RNF6: variants seen among roughly 807,000 people sequenced by gnomAD.
RNF6 encodes ring finger protein 6.
In RNF6, 21 loss-of-function variants were observed where a neutral mutation model predicts 50.1. That is an observed-to-expected ratio of 0.42 (90% CI 0.30 to 0.60). The LOEUF (loss-of-function observed/expected upper bound fraction) is 0.60, where lower values mean the gene tolerates loss of function less well. Ranked by LOEUF, RNF6 falls within the 20% of genes least tolerant of loss-of-function variation. The pLI, the probability that RNF6 is intolerant of heterozygous loss-of-function variation, is 0.20. For synonymous variants in RNF6, 255 were observed against 291.8 expected, an observed-to-expected ratio of 0.87 and a Z score of 1.29; for missense variants, 698 against 838.2, an observed-to-expected ratio of 0.83 and a Z score of 2.07.
rs182814727 is a variant in RNF6 at position 26,138,389 on chromosome 13, C to T, written n.769-5938G>A. Reference sequence around the variant, plus strand: ...CAGCCTGAAATGAAAGGTTACTAAACTGTATATGAATCCACATGAAGAAAA... The same window carrying T: ...CAGCCTGAAATGAAAGGTTACTAAATTGTATATGAATCCACATGAAGAAAA... On this transcript the variant is annotated intron_variant and non_coding_transcript_variant, in intron 5 of 5. Coordinates refer to the RNF6 transcript ENST00000468480. Among the ~76,000 whole-genome samples the T allele has an allele frequency of 2.0e-5, 3 of 152,226 alleles. No homozygotes were observed. In the East Asian group the frequency reaches 5.8e-4, roughly 29 times the overall value.
downstream of RNF6, among the ~76,000 whole-genome samples, chr13:26,211,683 G>A (rs2137732193): frequency 1.3e-5 from 2 of 152,264 alleles, no homozygotes; most frequent in Middle Eastern, 6.8e-3. Flanking sequence ...GCTTGAACCT[G>A]TGAGGCGGAG....
chr13:26,176,917 G>A (rs1030409978), intron 5 of RNF6, among the ~76,000 whole-genome samples: 2 of 152,252 alleles, frequency 1.3e-5, no homozygotes, highest in African/African-American at 4.8e-5. Flanking sequence ...CTGGGAGACA[G>A]AGTGAGACTC....
chr13:26,211,853 A>T (rs1869340542), downstream of RNF6, among the ~76,000 whole-genome samples: 1 of 152,222 alleles, frequency 6.6e-6, no homozygotes, highest in South Asian at 2.1e-4. Flanking sequence ...GTATGAATTA[A>T]GCTATGTTCA....
At chr13:26,137,738 G>A (rs1168447480) in intron 5 of RNF6, among the ~76,000 whole-genome samples, 1 of 151,452 alleles carries the variant, frequency 6.6e-6, no homozygotes, top group Admixed American at 6.6e-5. Flanking sequence ...CTCAAGAGAA[G>A]ATTTTAGCAG....
chr13:26,209,784 G>GATAT (rs1165114430), downstream of RNF6, among the ~76,000 whole-genome samples: 8 of 145,510 alleles, frequency 5.5e-5, no homozygotes, highest in East Asian at 2.2e-4. Context: ...GAGAAGATGT[G>GATAT]AGATATATAT....
chr13:26,214,572 T>C lies in RNF6; in HGVS notation c.1310A>G (p.Asn437Ser). Residue 437 changes from asparagine (N) to serine (S), a missense_variant, in exon 5 of 5, where the codon AAT becomes AGT. Transcript: ENST00000381588. The stretch of plus-strand genomic sequence containing the variant: ...AATGGTTCGGCGAAAGCCCCCACTA[T>C]TGCTTTCAATAGTGACTGTATTTTC... ...LAENTVTIES[N>S]SGGFRRTISR... 2 of 1,614,202 alleles carry C rather than the reference T, an allele frequency of 1.2e-6. No individual in the cohort carries two copies. Among genetic ancestry groups the C allele is most frequent in the East Asian group, 2.2e-5 (1 of 44,878 alleles).
At chr13:26,153,081 A>T (rs1398638614) in intron 5 of RNF6, among the ~76,000 whole-genome samples, 1 of 151,336 alleles carries the variant, frequency 6.6e-6, no homozygotes, top group Non-Finnish European at 1.5e-5. Context: ...TGAACCCAGG[A>T]GGTGGAGGTT....
chr13:26,160,820 C>CT (rs2137608806), intron 5 of RNF6, among the ~76,000 whole-genome samples: 1 of 152,052 alleles, frequency 6.6e-6, no homozygotes, highest in East Asian at 1.9e-4. Flanking sequence ...CTTAAAATGG[C>CT]CTCCTTCTTG....
intron 5 of RNF6, among the ~76,000 whole-genome samples, chr13:26,184,855 G>C (rs1873442490): frequency 6.6e-6 from 1 of 152,150 alleles, no homozygotes; most frequent in African/African-American, 2.4e-5. Flanking sequence ...GAAGGCAGGC[G>C]ATCCAAAGCA....
At chr13:26,144,166 T>C (rs1484776455) in intron 5 of RNF6, among the ~76,000 whole-genome samples, 1 of 152,042 alleles carries the variant, frequency 6.6e-6, no homozygotes, top group Non-Finnish European at 1.5e-5. Context: ...ATGTCAACCA[T>C]GGACAGTGGA....
At chr13:26,138,832 T>G (rs188018422) in intron 5 of RNF6, among the ~76,000 whole-genome samples, 6 of 152,232 alleles carry the variant, frequency 3.9e-5, no homozygotes, top group Non-Finnish European at 7.3e-5. Context: ...GTTTCTGGAT[T>G]CTCCACTGTC....
chr13:26,218,045 CT>C (rs1258286665), intron 4 of RNF6, among the ~76,000 whole-genome samples: 32 of 152,322 alleles, frequency 2.1e-4, no homozygotes, highest in African/African-American at 7.2e-4. Context: ...TTCCTTTTAA[CT>C]CTACATACTT....
At chr13:26,204,462 A>C (rs1460135508) in intron 5 of RNF6, among the ~76,000 whole-genome samples, 7 of 145,154 alleles carry the variant, frequency 4.8e-5, no homozygotes, top group Non-Finnish European at 8.9e-5. Flanking sequence ...GCACCACTGC[A>C]CTTTAGCCTG....
intron 5 of RNF6, among the ~76,000 whole-genome samples, chr13:26,173,164 A>G (rs768242448): frequency 6.6e-6 from 1 of 152,234 alleles, no homozygotes; most frequent in African/African-American, 2.4e-5. Context: ...CATTGTAGAG[A>G]GAGCAAGTTT....
Position 26,144,703 on chromosome 13 carries a change from G to A in RNF6, n.769-12252C>T, listed in dbSNP as rs118148133. 2.1e-4 allele frequency among the ~76,000 whole-genome samples: 32 copies of A among 152,328 alleles called. No homozygotes were observed. In the East Asian group the frequency reaches 3.3e-3, roughly 16 times the overall value. ...GTCTCCATATTGTGCAGAACTATCCGTAAACTGTCTTCTCTTCTTCTCTGT... is the reference window on the plus strand; with the variant it reads ...GTCTCCATATTGTGCAGAACTATCCATAAACTGTCTTCTCTTCTTCTCTGT... On this transcript the variant is annotated intron_variant and non_coding_transcript_variant, in intron 5 of 5. Coordinates refer to the RNF6 transcript ENST00000468480.
intron 5 of RNF6, among the ~76,000 whole-genome samples, chr13:26,168,828 C>T (rs558789833): frequency 6.6e-6 from 1 of 152,270 alleles, no homozygotes; most frequent in South Asian, 2.1e-4. Flanking sequence ...CAAAGCAAGA[C>T]CCTATCTCTA....
chr13:26,208,778 C>T (rs1869203506), downstream of RNF6, among the ~76,000 whole-genome samples: 1 of 152,108 alleles, frequency 6.6e-6, no homozygotes, highest in Non-Finnish European at 1.5e-5. Flanking sequence ...TCATGCTGCT[C>T]GATCCTACAG....
intron 5 of RNF6, among the ~76,000 whole-genome samples, chr13:26,134,902 A>G (rs989369690): frequency 6.6e-6 from 1 of 152,194 alleles, no homozygotes; most frequent in Non-Finnish European, 1.5e-5. Context: ...TATTATTTTT[A>G]AAAAGATGAT....
intron 5 of RNF6, chr13:26,142,318 A>T (rs1346637326): frequency 6.6e-6 from 1 of 152,176 alleles, no homozygotes; most frequent in Non-Finnish European, 1.5e-5. Context: ...GGAAATATTT[A>T]TGGAGATTTA....
Sources: allele counts gnomAD v4.1 joint callset (sites outside exome capture counted in the v4.1 genomes callset), GRCh38; gene constraint gnomAD v4.1.1; transcripts MANE v1.5; gene names NCBI Gene and HGNC (gene_info 2026-07-23, HGNC 2026-07-21).